CPQ: variants seen among roughly 807,000 people sequenced by gnomAD.
CPQ encodes the protein Ser-Met dipeptidase.
Under a neutral mutation model 45.7 loss-of-function variants are expected in CPQ, and 37 were observed. That is an observed-to-expected ratio of 0.81 (90% CI 0.62 to 1.07). The LOEUF is 1.07. CPQ is among the 50% of genes least tolerant of loss of function. The pLI is 0.00. For missense variants in CPQ, 537 were observed against 572.9 expected, an observed-to-expected ratio of 0.94 and a Z score of 0.64; for synonymous variants, 186 against 205.8, an observed-to-expected ratio of 0.90 and a Z score of 0.82.
chr8:96,903,077 C>T (rs1382325357), intron 4 of CPQ, among the ~76,000 whole-genome samples: 1 of 152,154 alleles, frequency 6.6e-6, no homozygotes, highest in Non-Finnish European at 1.5e-5. Context: ...CATTCTTTCC[C>T]TTGTCAAGTG....
chr8:97,090,789 G>A (rs1041035136), intron 7 of CPQ, among the ~76,000 whole-genome samples: 7 of 152,090 alleles, frequency 4.6e-5, no homozygotes, highest in Admixed American at 1.3e-4. Context: ...GTTCTCAAGC[G>A]GTTCTTTGGA....
intron 7 of CPQ, among the ~76,000 whole-genome samples, chr8:97,117,543 CT>C (rs975922080): frequency 6.6e-6 from 1 of 151,470 alleles, no homozygotes; most frequent in Non-Finnish European, 1.5e-5. Context: ...TAATATTCTT[CT>C]TTTTTTTGAG....
intron 4 of CPQ, among the ~76,000 whole-genome samples, chr8:96,911,311 A>T (rs976674057): frequency 6.6e-6 from 1 of 152,220 alleles, no homozygotes; most frequent in Non-Finnish European, 1.5e-5. Flanking sequence ...TGAAGGGATC[A>T]TTTGATCATT....
chr8:96,745,133 T>C lies in CPQ; in HGVS notation c.-34-39731T>C, dbSNP rs183271036. 4.7e-3 allele frequency among the ~76,000 whole-genome samples: 721 copies of C among 151,966 alleles called. 11 individuals carry two copies. The highest frequency in any genetic ancestry group is 0.012 in the African/African-American group (507 of 41,438). Reference sequence around the variant, plus strand: ...GACTAGCCTGACCAACATGGTGAAATCCCGTCTCTACTAAAAATACAAAAA... The same window carrying C: ...GACTAGCCTGACCAACATGGTGAAACCCCGTCTCTACTAAAAATACAAAAA... On this transcript the variant is annotated intron_variant, in intron 1 of 7. Transcript: ENST00000220763.
chr8:96,957,517 A>G (rs1215177957), intron 4 of CPQ, among the ~76,000 whole-genome samples: 1 of 152,152 alleles, frequency 6.6e-6, no homozygotes, highest in Non-Finnish European at 1.5e-5. Flanking sequence ...AAGAGTCTGT[A>G]GGAGGCCAGG....
At chr8:96,845,196 T>C (rs1811667745) in intron 3 of CPQ, among the ~76,000 whole-genome samples, 2 of 152,186 alleles carry the variant, frequency 1.3e-5, no homozygotes, top group African/African-American at 4.8e-5. Context: ...CTCTCACACA[T>C]AATCTCCTCT....
intron 2 of CPQ, among the ~76,000 whole-genome samples, chr8:96,833,299 A>G (rs1811483842): frequency 6.6e-6 from 1 of 152,120 alleles, no homozygotes. Flanking sequence ...GTTTGTTAAA[A>G]ACAAAACAAA....
chr8:96,974,789 T>C lies in CPQ; in HGVS notation c.961+8743T>C, dbSNP rs893429789. On this transcript the variant is annotated intron_variant, in intron 5 of 7. Coordinates refer to ENST00000220763, the MANE Select transcript of CPQ (RefSeq NM_016134.4). ...CATTGGGTCAACAATGAAATCAAGA[T>C]GGAAATTTAAAAATTTTTTGAACTG... 2.6e-5 allele frequency among the ~76,000 whole-genome samples: 4 copies of C among 152,078 alleles called. No individual in the cohort carries two copies. In the East Asian group the frequency reaches 5.8e-4, roughly 22 times the overall value.
chr8:97,134,146 C>A (rs565699774), intron 7 of CPQ, among the ~76,000 whole-genome samples: 1 of 152,152 alleles, frequency 6.6e-6, no homozygotes, highest in African/African-American at 2.4e-5. Context: ...TTTTGTCCCA[C>A]TACATGTTAA....
At chr8:96,841,662 A>G (rs578073793) in intron 3 of CPQ, among the ~76,000 whole-genome samples, 1 of 152,354 alleles carries the variant, frequency 6.6e-6, no homozygotes, top group Admixed American at 6.5e-5. Flanking sequence ...GGCTTTGGAA[A>G]TACTACTGGC....
intron 7 of CPQ, among the ~76,000 whole-genome samples, chr8:97,129,028 C>T (rs541833912): frequency 3.9e-5 from 6 of 152,226 alleles, no homozygotes; most frequent in Admixed American, 2.0e-4. Flanking sequence ...GGGATTCACC[C>T]CTAAACCAGC....
chr8:96,692,463 C>T (rs1007729897), intron 1 of CPQ, among the ~76,000 whole-genome samples: 1 of 151,472 alleles, frequency 6.6e-6, no homozygotes. Flanking sequence ...CACCCCTCTC[C>T]CAGCTCCAGG....
At chr8:96,999,443 A>T (rs1809232086) in intron 5 of CPQ, among the ~76,000 whole-genome samples, 2 of 151,738 alleles carry the variant, frequency 1.3e-5, no homozygotes, top group African/African-American at 2.4e-5. Context: ...CTACATGTTC[A>T]TGTGTTCTCA....
chr8:96,944,143 T>C (rs760034238), intron 4 of CPQ, among the ~76,000 whole-genome samples: 2 of 152,110 alleles, frequency 1.3e-5, no homozygotes, highest in African/African-American at 2.4e-5. Flanking sequence ...TTTAGTGTTA[T>C]CAAAAACACA....
chr8:96,840,979 C>A (rs558286228), intron 3 of CPQ, among the ~76,000 whole-genome samples: 1 of 152,292 alleles, frequency 6.6e-6, no homozygotes, highest in Admixed American at 6.5e-5. Context: ...CCATCAAATT[C>A]TTCTTGTTGA....
intron 5 of CPQ, among the ~76,000 whole-genome samples, chr8:96,976,272 A>AG: frequency 7.8e-6 from 1 of 127,796 alleles, no homozygotes; most frequent in Non-Finnish European, 1.7e-5. Flanking sequence ...AAAAAAAAAA[A>AG]CCTTAGGATT....
At chr8:97,090,972 A>G (rs1208845793) in intron 7 of CPQ, among the ~76,000 whole-genome samples, 1 of 152,180 alleles carries the variant, frequency 6.6e-6, no homozygotes. Flanking sequence ...GAACACATCT[A>G]TGGCTGGACA....
chr8:96,754,807 G>A (rs1810310135), intron 1 of CPQ, among the ~76,000 whole-genome samples: 1 of 151,962 alleles, frequency 6.6e-6, no homozygotes, highest in African/African-American at 2.4e-5. Flanking sequence ...AACAGTGCAT[G>A]GCACATGGTA....
chr8:96,887,019 T>C (rs1812314535), intron 4 of CPQ, among the ~76,000 whole-genome samples: 1 of 152,120 alleles, frequency 6.6e-6, no homozygotes, highest in Non-Finnish European at 1.5e-5. Context: ...GGGTCATTTC[T>C]TTTTAGCTCC....
Sources: gnomAD v4.1 joint callset for allele counts (sites outside exome capture counted in the v4.1 genomes callset) on GRCh38, gnomAD v4.1.1 for gene constraint, MANE v1.5 for transcripts, NCBI Gene and HGNC (gene_info 2026-07-23, HGNC 2026-07-21) for gene names.